Variants in ZNF804B observed in about 807,000 individuals in gnomAD.
ZNF804B encodes the protein zinc finger 804B.
A neutral mutation model predicts 101.4 loss-of-function variants in ZNF804B; 80 were observed. The observed-to-expected ratio is 0.79, with a 90% confidence interval of 0.66 to 0.95. ZNF804B has a LOEUF of 0.95. Ranked by LOEUF, ZNF804B falls within the 40% of genes least tolerant of loss-of-function variation. The pLI is 0.00. For missense variants in ZNF804B, 1,673 were observed against 1,561.9 expected (o/e 1.07, Z -1.20); for synonymous variants, 622 against 558.8 (o/e 1.11, Z -1.59).
chr7:89,249,657 A>G (rs1037368973), intron 2 of ZNF804B, among the ~76,000 whole-genome samples: 1 of 152,334 alleles, frequency 6.6e-6, no homozygotes, highest in South Asian at 2.1e-4. Context: ...GGAAATTTAC[A>G]GTGCTAAATG....
At chr7:89,229,342 C>G (rs1057378179) in intron 2 of ZNF804B, among the ~76,000 whole-genome samples, 3 of 152,196 alleles carry the variant, frequency 2.0e-5, no homozygotes, top group African/African-American at 2.4e-5. Flanking sequence ...AAACCCACTT[C>G]AAATATAAAG....
intron 1 of ZNF804B, among the ~76,000 whole-genome samples, chr7:89,160,725 T>C (rs1160012962): frequency 6.6e-6 from 1 of 152,146 alleles, no homozygotes; most frequent in Non-Finnish European, 1.5e-5. Context: ...TTCTTTATTA[T>C]TATATCTCCT....
chr7:89,228,355 C>G (rs572241318), intron 2 of ZNF804B, among the ~76,000 whole-genome samples: 1 of 152,254 alleles, frequency 6.6e-6, no homozygotes, highest in South Asian at 2.1e-4. Context: ...ATTCTCTTAT[C>G]TGGCCCCACC....
chr7:89,199,096 C>G (rs1321410382), intron 1 of ZNF804B, among the ~76,000 whole-genome samples: 2 of 151,886 alleles, frequency 1.3e-5, no homozygotes, highest in Non-Finnish European at 2.9e-5. Context: ...ACTGGCCCCA[C>G]TGGAAGAAAA....
intron 1 of ZNF804B, among the ~76,000 whole-genome samples, chr7:88,822,615 A>AGTGAGGTGG (rs1482809034): frequency 1.7e-4 from 26 of 152,296 alleles, no homozygotes; most frequent in Non-Finnish European, 3.2e-4. Flanking sequence ...TGTAGAGAGA[A>AGTGAGGTGG]AAAAAGGTAA....
chr7:89,013,825 C>T (rs965894338), intron 1 of ZNF804B, among the ~76,000 whole-genome samples: 2 of 152,158 alleles, frequency 1.3e-5, no homozygotes, highest in Non-Finnish European at 2.9e-5. Flanking sequence ...TACTTCTATA[C>T]AATCAACTCT....
chr7:88,919,000 GTTAC>G (rs1792679029), intron 1 of ZNF804B, among the ~76,000 whole-genome samples: 2 of 152,026 alleles, frequency 1.3e-5, no homozygotes, highest in African/African-American at 4.8e-5. Flanking sequence ...TGAAAATCAA[GTTAC>G]TTAATTTTTT....
At chr7:89,295,440 G>A (rs1790366893) in intron 2 of ZNF804B, among the ~76,000 whole-genome samples, 1 of 152,032 alleles carries the variant, frequency 6.6e-6, no homozygotes, top group African/African-American at 2.4e-5. Context: ...ATCTTTTCGT[G>A]CAAATGCTTT....
intron 2 of ZNF804B, among the ~76,000 whole-genome samples, chr7:89,218,772 C>T (rs1328895595): frequency 6.6e-6 from 1 of 151,794 alleles, no homozygotes; most frequent in East Asian, 1.9e-4. Flanking sequence ...TAAAGTAAGC[C>T]AGAGAAAAGA....
intron 1 of ZNF804B, among the ~76,000 whole-genome samples, chr7:88,932,002 T>TAA (rs68095612): frequency 0.18 from 25,902 of 144,400 alleles, 2,441 homozygotes; most frequent in South Asian, 0.26. Flanking sequence ...GAGGCCTCTG[T>TAA]AAAAAAAAAA....
At chr7:88,979,114 T>C (rs549636663) in intron 1 of ZNF804B, among the ~76,000 whole-genome samples, 4 of 152,144 alleles carry the variant, frequency 2.6e-5, no homozygotes, top group Non-Finnish European at 5.9e-5. Context: ...TTATTGGTTC[T>C]ATTTATATTA....
intron 2 of ZNF804B, among the ~76,000 whole-genome samples, chr7:89,309,875 C>A (rs555851979): frequency 2.1e-5 from 3 of 146,290 alleles, no homozygotes; most frequent in Non-Finnish European, 4.5e-5. Context: ...GTAGGGCAGA[C>A]AATGCTGGTC....
At chr7:88,985,719 G>C (rs1296288782) in intron 1 of ZNF804B, among the ~76,000 whole-genome samples, 1 of 152,070 alleles carries the variant, frequency 6.6e-6, no homozygotes, top group African/African-American at 2.4e-5. Flanking sequence ...TTTGTATATA[G>C]GGCAAGGATC....
chr7:89,124,651 T>C (rs1427338892), intron 1 of ZNF804B, among the ~76,000 whole-genome samples: 1 of 152,134 alleles, frequency 6.6e-6, no homozygotes, highest in Non-Finnish European at 1.5e-5. Context: ...AGAAGCGCTA[T>C]CACCCTGTCT....
chr7:89,153,789 G>A (rs183769877), intron 1 of ZNF804B, among the ~76,000 whole-genome samples: 7 of 152,100 alleles, frequency 4.6e-5, no homozygotes, highest in Admixed American at 2.6e-4. Context: ...TTATATCAAT[G>A]CAAGAATTAA....
chr7:89,283,656 T>C (rs1790133265), intron 2 of ZNF804B, among the ~76,000 whole-genome samples: 1 of 152,186 alleles, frequency 6.6e-6, no homozygotes, highest in Non-Finnish European at 1.5e-5. Flanking sequence ...GATTTCAGCT[T>C]ATAATATATC....
chr7:88,877,008 ATATATATATATATATAT>A (rs1392716646), intron 1 of ZNF804B, among the ~76,000 whole-genome samples: 5 of 71,222 alleles, frequency 7.0e-5, no homozygotes, highest in African/African-American at 5.5e-4. Flanking sequence ...GAAAAAAAAA[ATATATATATATATATAT>A]AATATATATA....
At chr7:89,007,500 A>C (rs2116185122) in intron 1 of ZNF804B, among the ~76,000 whole-genome samples, 1 of 34,552 alleles carries the variant, frequency 2.9e-5, no homozygotes, top group African/African-American at 2.4e-4. Context: ...ACCTAATATA[A>C]TACATATAAT....
At chr7:88,837,095 C>A (rs1421520247) in intron 1 of ZNF804B, among the ~76,000 whole-genome samples, 1 of 151,690 alleles carries the variant, frequency 6.6e-6, no homozygotes. Flanking sequence ...GATGGTTGCC[C>A]CCAAAAAAGC....
Sources: allele counts gnomAD v4.1 joint callset (sites outside exome capture counted in the v4.1 genomes callset), GRCh38; gene constraint gnomAD v4.1.1; transcripts MANE v1.5; gene names NCBI Gene and HGNC (gene_info 2026-07-23, HGNC 2026-07-21).